The following ATE1 variants were observed in gnomAD, a reference collection of about 807,000 sequenced individuals.
ATE1 encodes arginyltransferase 1, also known as arginyl-tRNA--protein transferase 1.
In ATE1, 36 loss-of-function variants were observed where a neutral mutation model predicts 70.5. That is an observed-to-expected ratio of 0.51 (90% CI 0.39 to 0.67). The LOEUF (loss-of-function observed/expected upper bound fraction) is 0.67. Ranked by LOEUF, ATE1 falls within the 30% of genes least tolerant of loss-of-function variation. The probability of loss-of-function intolerance (pLI) is 0.00; values close to 1 mark genes in which losing one functional copy is unlikely to be tolerated. For synonymous variants in ATE1, 232 were observed against 219.3 expected (o/e 1.06, Z -0.51); for missense variants, 593 against 629.5 (o/e 0.94, Z 0.62).
chr10:121,907,272 T>G (rs1951232906), intron 5 of ATE1, among the ~76,000 whole-genome samples: 1 of 150,838 alleles, frequency 6.6e-6, no homozygotes, highest in Non-Finnish European at 1.5e-5. Context: ...CTGGCCAACA[T>G]GGCAAAACCC....
intron 11 of ATE1, among the ~76,000 whole-genome samples, chr10:121,786,202 GTTTTTTTTTTT>G (rs66781912): frequency 3.5e-4 from 30 of 84,522 alleles, no homozygotes; most frequent in Middle Eastern, 0.026. Flanking sequence ...GCTCAAGAAA[GTTTTTTTTTTT>G]TTTTTTTTTT....
At chr10:121,848,096 G>A (rs1190985598) in intron 8 of ATE1, among the ~76,000 whole-genome samples, 1 of 152,034 alleles carries the variant, frequency 6.6e-6, no homozygotes, top group Non-Finnish European at 1.5e-5. Context: ...AATCGTGAAT[G>A]AAAGCAGCCA....
intron 6 of ATE1, among the ~76,000 whole-genome samples, chr10:121,901,456 A>G (rs892681063): frequency 1.3e-5 from 2 of 152,058 alleles, no homozygotes; most frequent in Admixed American, 1.3e-4. Context: ...CATTATGGCT[A>G]ATGTTTTTGA....
At chr10:121,746,442 T>C (rs951705314) in intron 11 of ATE1, among the ~76,000 whole-genome samples, 2 of 152,210 alleles carry the variant, frequency 1.3e-5, no homozygotes, top group Non-Finnish European at 2.9e-5. Flanking sequence ...AAGACTTTTG[T>C]AATCTAAAAA....
At chr10:121,795,768 G>A (rs1414072174) in intron 10 of ATE1, among the ~76,000 whole-genome samples, 1 of 152,160 alleles carries the variant, frequency 6.6e-6, no homozygotes, top group Non-Finnish European at 1.5e-5. Flanking sequence ...AATGACCAAA[G>A]TGCTTAAAGC....
At chr10:121,924,431 T>A in intron 1 of ATE1, 102 bp from the exon 2 acceptor site, 1 of 1,125,510 alleles carries the variant, frequency 8.9e-7, no homozygotes, top group Non-Finnish European at 1.3e-6. Flanking sequence ...CCGGGCACGG[T>A]GGCTCATGCC....
At chr10:121,750,677 T>C (rs1263686099) in intron 11 of ATE1, among the ~76,000 whole-genome samples, 1 of 152,252 alleles carries the variant, frequency 6.6e-6, no homozygotes, top group Non-Finnish European at 1.5e-5. Flanking sequence ...ACTTTATAAC[T>C]TCTAGGCTTT....
chr10:121,815,570 A>C (rs1253024438), intron 10 of ATE1, among the ~76,000 whole-genome samples: 1 of 152,230 alleles, frequency 6.6e-6, no homozygotes, highest in Admixed American at 6.5e-5. Flanking sequence ...CCCTCAAAGA[A>C]AATTTAAGGT....
At chr10:121,878,868 T>A (rs1950143560) in intron 7 of ATE1, among the ~76,000 whole-genome samples, 1 of 152,088 alleles carries the variant, frequency 6.6e-6, no homozygotes, top group Non-Finnish European at 1.5e-5. Context: ...CATCAGAACC[T>A]CAAAACCTTT....
At chr10:121,760,320 G>A (rs536837402) in intron 11 of ATE1, among the ~76,000 whole-genome samples, 1 of 152,308 alleles carries the variant, frequency 6.6e-6, no homozygotes, top group Non-Finnish European at 1.5e-5. Context: ...TGATAGATCT[G>A]GGCAAAGTAA....
chr10:121,757,134 T>A (rs1239459698), intron 11 of ATE1, among the ~76,000 whole-genome samples: 5 of 152,176 alleles, frequency 3.3e-5, no homozygotes, highest in Non-Finnish European at 7.3e-5. Context: ...AAGTTCAAAG[T>A]TCCACAAATC....
In ATE1 at chr10:121,846,764, T is replaced by C. The variant is rs187742853; in HGVS notation, c.976-5501A>G. On this transcript the variant is annotated intron_variant, in intron 8 of 11. Transcript: ENST00000224652. ...AATAAAATGTTATCTGGGCAATAAATACATCTTTAAAGTATTTCCATGAAT... is the reference window on the plus strand; with the variant it reads ...AATAAAATGTTATCTGGGCAATAAACACATCTTTAAAGTATTTCCATGAAT... The C allele has an allele frequency of 4.5e-4, 69 of 152,218 alleles. 1 individual carries two copies. In the East Asian group the frequency reaches 0.01, roughly 22 times the overall value. The allele number at this position is 152,218 out of a possible 1,614,324, so 9.4% of individuals were successfully genotyped here.
chr10:121,849,343 T>C (rs1948967484), intron 8 of ATE1, among the ~76,000 whole-genome samples: 1 of 152,236 alleles, frequency 6.6e-6, no homozygotes, highest in East Asian at 1.9e-4. Flanking sequence ...AAACTACAAT[T>C]ACCTTCTCAG....
intron 7 of ATE1, among the ~76,000 whole-genome samples, chr10:121,879,454 A>G (rs1950162381): frequency 6.6e-6 from 1 of 152,106 alleles, no homozygotes; most frequent in Admixed American, 6.6e-5. Context: ...TCTCTAACAC[A>G]TAGTCTCCCT....
chr10:121,793,105 C>T (rs1367268291), intron 10 of ATE1, among the ~76,000 whole-genome samples: 2 of 151,984 alleles, frequency 1.3e-5, no homozygotes, highest in South Asian at 2.1e-4. Context: ...TTAAAAAAGG[C>T]AAATCACTTA....
intron 7 of ATE1, among the ~76,000 whole-genome samples, chr10:121,894,460 C>T (rs1265836842): frequency 6.6e-6 from 1 of 151,994 alleles, no homozygotes. Context: ...TAAGAGCAGA[C>T]AAAATAGATT....
chr10:121,770,165 T>C (rs1945444708), intron 11 of ATE1, among the ~76,000 whole-genome samples: 1 of 151,040 alleles, frequency 6.6e-6, no homozygotes, highest in African/African-American at 2.4e-5. Flanking sequence ...ATCCATGCCA[T>C]GGAATACTAC....
rs1258441884 is a variant in ATE1 at position 121,741,617 on chromosome 10, T to C, written c.*2063A>G. 1 of 152,212 alleles carries C rather than the reference T, an allele frequency of 6.6e-6. No homozygotes were observed. The highest frequency in any genetic ancestry group is 1.5e-5 in the Non-Finnish European group (1 of 68,042). The allele number at this position is 152,212 out of a possible 1,614,324, so 9.4% of individuals were successfully genotyped here. A position where few individuals can be genotyped will look rare whatever the true frequency, so the allele number is the denominator to read the frequency against. On this transcript the variant is annotated 3_prime_UTR_variant, in exon 12 of 12. Transcript: ENST00000224652. Reference sequence around the variant, plus strand: ...ATCACAAAGACAAATGGAGGGAAGATACAGTGATAACACCAAGTTGGACAT... The same window carrying C: ...ATCACAAAGACAAATGGAGGGAAGACACAGTGATAACACCAAGTTGGACAT...
At chr10:121,899,823 G>A (rs1349202476) in intron 7 of ATE1, 43 bp downstream of exon 7, 1 of 1,588,352 alleles carries the variant, frequency 6.3e-7, no homozygotes, top group African/African-American at 1.4e-5. Flanking sequence ...AAGTGGAAGG[G>A]AAAGCTCTGT....
Sources: allele counts gnomAD v4.1 joint callset (sites outside exome capture counted in the v4.1 genomes callset), GRCh38; gene constraint gnomAD v4.1.1; transcripts MANE v1.5; gene names NCBI Gene and HGNC (gene_info 2026-07-23, HGNC 2026-07-21).